SEMA3D: variants seen among roughly 807,000 people sequenced by gnomAD.
The protein encoded by SEMA3D is semaphorin 3D.
SEMA3D carries 84 observed loss-of-function variants against 100.1 expected under a neutral mutation model. The ratio of observed to expected loss-of-function variants is 0.84; its 90% confidence interval spans 0.70 to 1.01. The LOEUF is 1.01. Ranked by LOEUF, SEMA3D falls within the 50% of genes least tolerant of loss-of-function variation. SEMA3D has a pLI of 0.00. For synonymous variants in SEMA3D, 312 were observed against 320.7 expected (o/e 0.97, Z 0.29); for missense variants, 875 against 934.1 (o/e 0.94, Z 0.82).
intron 1 of SEMA3D, among the ~76,000 whole-genome samples, chr7:85,168,820 TGAAAGAAAGAAAGAAAGAAAGAAAGAAA>T (rs59563448): frequency 0.076 from 9,146 of 121,096 alleles, 357 homozygotes; most frequent in East Asian, 0.13. Context: ...GAAAGAAAGA[TGAAAGAAAGAAAGAAAGAAAGAAAGAAA>T]GAAAGAAAGA....
At chr7:85,081,388 C>T in intron 5 of SEMA3D, 129 bp downstream of exon 5, 1 of 562,880 alleles carries the variant, frequency 1.8e-6, no homozygotes, top group Non-Finnish European at 3.2e-6. Flanking sequence ...TTAATATTCA[C>T]ATAGAATATG....
intron 2 of SEMA3D, among the ~76,000 whole-genome samples, chr7:85,136,856 G>A (rs180825511): frequency 2.5e-4 from 38 of 152,144 alleles, no homozygotes; most frequent in Admixed American, 2.0e-3. Context: ...ATGCTTTAGC[G>A]GAAAGTGCTC....
the SEMA3D span, among the ~76,000 whole-genome samples, chr7:85,225,149 CAT>C: frequency 8.8e-4 from 102 of 116,340 alleles, no homozygotes; most frequent in African/African-American, 3.0e-3. Context: ...ATATAAAATA[CAT>C]ATATATAATA....
At chr7:85,028,591 G>A (rs1237312715) in intron 12 of SEMA3D, 6 of 248,680 alleles carry the variant, frequency 2.4e-5, no homozygotes, top group East Asian at 1.3e-4. Flanking sequence ...GAAGGACACC[G>A]TGAGAACAAG....
At chr7:85,211,609 T>A in the SEMA3D span, among the ~76,000 whole-genome samples, 587 of 152,118 alleles carry the variant, frequency 3.9e-3, 4 homozygotes, top group African/African-American at 0.013. Flanking sequence ...ATGAAAGGCT[T>A]CAGAAATAAA....
At chr7:85,147,868 T>A (rs1034671442) in intron 2 of SEMA3D, among the ~76,000 whole-genome samples, 2 of 152,082 alleles carry the variant, frequency 1.3e-5, no homozygotes, top group Non-Finnish European at 2.9e-5. Flanking sequence ...TTTGACCAAC[T>A]CCCTGCCTCA....
chr7:85,199,887 G>A, the SEMA3D span, among the ~76,000 whole-genome samples: 6 of 152,240 alleles, frequency 3.9e-5, no homozygotes, highest in Non-Finnish European at 5.9e-5. Context: ...AATTATGGAG[G>A]CAGGTGCGCT....
chr7:85,219,612 G>A, the SEMA3D span, among the ~76,000 whole-genome samples: 1 of 152,110 alleles, frequency 6.6e-6, no homozygotes, highest in Admixed American at 6.6e-5. Context: ...AGGATACAGA[G>A]TCATAACAGA....
chr7:85,000,641 C>T (rs999468228), intron 18 of SEMA3D, among the ~76,000 whole-genome samples: 1 of 152,150 alleles, frequency 6.6e-6, no homozygotes, highest in African/African-American at 2.4e-5. Flanking sequence ...TATGCTATGA[C>T]ATGGTAATGT....
chr7:85,140,213 GTTTTA>G (rs1790006403), intron 2 of SEMA3D: 1 of 632,746 alleles, frequency 1.6e-6, no homozygotes, highest in Admixed American at 6.3e-5. Context: ...CAATAAAAAT[GTTTTA>G]TTTTACTCAA....
At chr7:85,014,984 A>T in intron 16 of SEMA3D, 75 bp downstream of exon 16, 1 of 1,127,140 alleles carries the variant, frequency 8.9e-7, no homozygotes, top group Non-Finnish European at 1.3e-6. Context: ...AACTTAAACT[A>T]TAAGACAAAG....
chr7:85,216,766 A>T, the SEMA3D span, among the ~76,000 whole-genome samples: 4 of 152,022 alleles, frequency 2.6e-5, no homozygotes, highest in African/African-American at 9.7e-5. Context: ...TACAATGTCT[A>T]TGAAATTTGT....
chr7:85,093,864 C>T (rs981326430), intron 4 of SEMA3D, among the ~76,000 whole-genome samples: 1 of 151,952 alleles, frequency 6.6e-6, no homozygotes, highest in Admixed American at 6.6e-5. Context: ...ATACTGACAA[C>T]ACTATCAGCT....
chr7:85,090,702 CAG>C (rs1788359650), intron 4 of SEMA3D, among the ~76,000 whole-genome samples: 3 of 152,010 alleles, frequency 2.0e-5, no homozygotes, highest in Non-Finnish European at 4.4e-5. Context: ...GAACTGGAGT[CAG>C]AACATCATTC....
intron 18 of SEMA3D, among the ~76,000 whole-genome samples, chr7:85,003,110 TGTATTTAAGAAATA>T (rs1789698382): frequency 6.6e-6 from 1 of 152,148 alleles, no homozygotes; most frequent in African/African-American, 2.4e-5. Context: ...AAAATTTTTC[TGTATTTAAGAAATA>T]GACTGAAAAG....
At chr7:85,159,652 T>C (rs1790691573) in intron 1 of SEMA3D, among the ~76,000 whole-genome samples, 1 of 152,194 alleles carries the variant, frequency 6.6e-6, no homozygotes, top group Admixed American at 6.5e-5. Flanking sequence ...TATCTCTAAC[T>C]AGGCTTCTAA....
intron 2 of SEMA3D, among the ~76,000 whole-genome samples, chr7:85,138,738 C>A (rs1024389484): frequency 6.6e-6 from 1 of 150,508 alleles, no homozygotes; most frequent in Non-Finnish European, 1.5e-5. Context: ...TAGGTATACA[C>A]GTGCCATGGT....
Position 85,086,472 on chromosome 7 carries a change from G to A in SEMA3D, c.313-4893C>T, listed in dbSNP as rs565380761. 9.2e-5 allele frequency among the ~76,000 whole-genome samples: 14 copies of A among 151,722 alleles called. No individual in the cohort carries two copies. The South Asian group carries it at 2.9e-3, about 32-fold the overall frequency. ...CCGCTCTTATTCTTACATAGAATTG[G>A]CAAAATTTTCAATAATCTTTTGAAG... On this transcript the variant is annotated intron_variant, in intron 4 of 18. Transcript: ENST00000284136.
intron 1 of SEMA3D, among the ~76,000 whole-genome samples, chr7:85,168,472 C>T (rs1285445360): frequency 6.6e-6 from 1 of 151,686 alleles, no homozygotes; most frequent in Non-Finnish European, 1.5e-5. Context: ...TAGTTGTCAA[C>T]CTCACTAAGA....
Sources: allele counts gnomAD v4.1 joint callset (sites outside exome capture counted in the v4.1 genomes callset), GRCh38; gene constraint gnomAD v4.1.1; transcripts MANE v1.5; gene names NCBI Gene and HGNC (gene_info 2026-07-23, HGNC 2026-07-21).